MAML2: variants seen among roughly 807,000 people sequenced by gnomAD.
MAML2 encodes mastermind like transcriptional coactivator 2.
In MAML2, 22 loss-of-function variants were observed where a neutral mutation model predicts 96.1. The observed-to-expected ratio is 0.23, with a 90% confidence interval of 0.16 to 0.33. The LOEUF (loss-of-function observed/expected upper bound fraction) is 0.33, where lower values mean the gene tolerates loss of function less well. Among genes scored for constraint, MAML2 ranks in the 10% least tolerant of loss-of-function variants. MAML2 has a pLI of 1.00. For missense variants in MAML2, 1,367 were observed against 1,392.4 expected (o/e 0.98, Z 0.29); for synonymous variants, 561 against 521.3 (o/e 1.08, Z -1.04).
At chr11:96,159,341 T>A (rs544808549) in intron 1 of MAML2, among the ~76,000 whole-genome samples, 189 of 151,726 alleles carry the variant, frequency 1.2e-3, no homozygotes, top group Non-Finnish European at 2.2e-3. Flanking sequence ...GGATTTGTTG[T>A]CAGTCCCTTA....
intron 1 of MAML2, among the ~76,000 whole-genome samples, chr11:96,274,729 C>T (rs1427716883): frequency 6.6e-6 from 1 of 152,040 alleles, no homozygotes; most frequent in East Asian, 1.9e-4. Flanking sequence ...AGCTATATAG[C>T]TCATATGTCT....
At chr11:96,240,557 CAA>C (rs55659413) in intron 1 of MAML2, among the ~76,000 whole-genome samples, 7,260 of 51,100 alleles carry the variant, frequency 0.14, 533 homozygotes, top group African/African-American at 0.23. Context: ...GACTCCGTCT[CAA>C]AAAAAAAAAA....
At chr11:96,155,231 C>A (rs1331735771) in intron 1 of MAML2, among the ~76,000 whole-genome samples, 2 of 151,918 alleles carry the variant, frequency 1.3e-5, no homozygotes, top group East Asian at 3.9e-4. Context: ...ACATTGGGCT[C>A]CCTTCCAAAC....
intron 1 of MAML2, among the ~76,000 whole-genome samples, chr11:96,193,576 G>A (rs1291310919): frequency 6.6e-6 from 1 of 152,076 alleles, no homozygotes; most frequent in Non-Finnish European, 1.5e-5. Context: ...ATAAAACAGT[G>A]AATTCTGTGT....
chr11:95,993,358 A>G (rs966355101), intron 2 of MAML2, among the ~76,000 whole-genome samples: 1 of 152,200 alleles, frequency 6.6e-6, no homozygotes. Flanking sequence ...ACCTGAGGTC[A>G]GGAGTTTGAG....
intron 2 of MAML2, among the ~76,000 whole-genome samples, chr11:96,006,870 TATACACAC>T (rs1360703633): frequency 0.025 from 2,783 of 109,876 alleles, 83 homozygotes; most frequent in African/African-American, 0.076. Context: ...AGGAATATCT[TATACACAC>T]ACACACACAC....
chr11:95,985,015 C>T (rs368105537), intron 4 of MAML2, among the ~76,000 whole-genome samples: 3 of 152,256 alleles, frequency 2.0e-5, no homozygotes, highest in East Asian at 3.9e-4. Context: ...AGAAGATTTG[C>T]TTTGTGATTT....
intron 1 of MAML2, among the ~76,000 whole-genome samples, chr11:96,240,410 C>T (rs1475628786): frequency 3.3e-5 from 5 of 150,984 alleles, no homozygotes; most frequent in Non-Finnish European, 7.4e-5. Flanking sequence ...ATTAGCCGGG[C>T]GCGGTGGCGG....
At chr11:96,036,241 C>A (rs1858709842) in intron 2 of MAML2, among the ~76,000 whole-genome samples, 1 of 151,974 alleles carries the variant, frequency 6.6e-6, no homozygotes, top group Non-Finnish European at 1.5e-5. Flanking sequence ...CGGACATAAT[C>A]AAAAAGCCGG....
chr11:96,216,864 C>A (rs916913601), intron 1 of MAML2, among the ~76,000 whole-genome samples: 1 of 152,142 alleles, frequency 6.6e-6, no homozygotes, highest in East Asian at 1.9e-4. Context: ...GTCAGGGTGA[C>A]TTTTGAATTG....
chr11:96,341,294 C>T lies in MAML2; in HGVS notation c.513+89G>A. The T allele has an allele frequency of 2.1e-6, 3 of 1,399,252 alleles. No individual in the cohort carries two copies. In the South Asian group the frequency reaches 4.5e-5, roughly 21 times the overall value. 86.7% of individuals were successfully genotyped at this position (1,399,252 alleles called of 1,614,324 possible). On this transcript the variant is annotated intron_variant, in intron 1 of 4. Transcript: ENST00000524717. ...GTGACATCTTGGCCTTTTTCATTGC[C>T]ATCCACTCTACCTTAGGCCAAAGCA...
At chr11:96,074,946 C>T (rs1590996233) in intron 2 of MAML2, among the ~76,000 whole-genome samples, 2 of 152,114 alleles carry the variant, frequency 1.3e-5, no homozygotes, top group Admixed American at 1.3e-4. Context: ...TTTGATTTTT[C>T]CTCTGGAAAA....
chr11:96,035,788 A>G (rs999520383), intron 2 of MAML2, among the ~76,000 whole-genome samples: 65 of 152,232 alleles, frequency 4.3e-4, no homozygotes, highest in African/African-American at 1.5e-3. Context: ...ATGAAATGCA[A>G]CAGTGCCTCA....
At chr11:96,303,078 T>C (rs1863411726) in intron 1 of MAML2, among the ~76,000 whole-genome samples, 2 of 152,224 alleles carry the variant, frequency 1.3e-5, no homozygotes, top group African/African-American at 4.8e-5. Context: ...CTTTATAAAA[T>C]GGCCCTGACA....
chr11:96,331,525 A>G (rs1591136598), intron 1 of MAML2, among the ~76,000 whole-genome samples: 1 of 152,078 alleles, frequency 6.6e-6, no homozygotes, highest in Non-Finnish European at 1.5e-5. Flanking sequence ...GGCCAGGCGC[A>G]GTGCCTCACG....
At chr11:96,268,210 C>T (rs2135978141) in intron 1 of MAML2, among the ~76,000 whole-genome samples, 1 of 152,316 alleles carries the variant, frequency 6.6e-6, no homozygotes, top group East Asian at 1.9e-4. Flanking sequence ...TGCACTGACT[C>T]ATACCTGTAA....
intron 1 of MAML2, among the ~76,000 whole-genome samples, chr11:96,304,621 T>A (rs1863438854): frequency 6.6e-6 from 1 of 152,182 alleles, no homozygotes; most frequent in Non-Finnish European, 1.5e-5. Flanking sequence ...GGCATCTACT[T>A]CAAACAGAAT....
intron 2 of MAML2, among the ~76,000 whole-genome samples, chr11:96,042,132 A>T (rs1036858388): frequency 6.6e-6 from 1 of 152,084 alleles, no homozygotes; most frequent in African/African-American, 2.4e-5. Context: ...GCCCGCCACC[A>T]TGCCTGGCTA....
intron 2 of MAML2, among the ~76,000 whole-genome samples, chr11:96,088,462 T>C (rs961765610): frequency 2.0e-5 from 3 of 152,302 alleles, no homozygotes; most frequent in Non-Finnish European, 4.4e-5. Flanking sequence ...CCAATAACTC[T>C]TTCACAACTT....
Sources: allele counts gnomAD v4.1 joint callset (sites outside exome capture counted in the v4.1 genomes callset), GRCh38; gene constraint gnomAD v4.1.1; transcripts MANE v1.5; gene names NCBI Gene and HGNC (gene_info 2026-07-23, HGNC 2026-07-21).